NSMCE2: variants seen among roughly 807,000 people sequenced by gnomAD.
NSMCE2 encodes E3 SUMO-protein ligase NSE2.
In NSMCE2, 24 loss-of-function variants were observed where a neutral mutation model predicts 23.8. That is an observed-to-expected ratio of 1.01 (90% CI 0.73 to 1.42). The LOEUF (loss-of-function observed/expected upper bound fraction) is 1.42. NSMCE2 is among the 40% of genes most tolerant of loss of function. The pLI is 0.00. For synonymous variants in NSMCE2, 92 were observed against 94.1 expected (o/e 0.98, Z 0.13); for missense variants, 284 against 296.5 (o/e 0.96, Z 0.31).
At chr8:125,171,649 A>G (rs1822213287) in intron 4 of NSMCE2, among the ~76,000 whole-genome samples, 1 of 152,184 alleles carries the variant, frequency 6.6e-6, no homozygotes, top group South Asian at 2.1e-4. Context: ...CAGCATTTAA[A>G]TTGCTTCTGA....
chr8:125,234,403 G>C lies in NSMCE2; in HGVS notation c.418+52147G>C, dbSNP rs545653425. 2.6e-5 allele frequency among the ~76,000 whole-genome samples: 4 copies of C among 152,236 alleles called. No homozygotes were observed. The South Asian group carries it at 6.2e-4, about 24-fold the overall frequency. On this transcript the variant is annotated intron_variant, in intron 5 of 7. Coordinates refer to ENST00000287437, the MANE Select transcript of NSMCE2 (RefSeq NM_173685.4). ...TTTTCAGATTGTGAAAACTAGGCAG[G>C]CTTTTTCAAATATATTACCCTGCAA...
intron 3 of NSMCE2, among the ~76,000 whole-genome samples, chr8:125,143,425 C>T (rs544875275): frequency 1.8e-4 from 27 of 152,210 alleles, no homozygotes; most frequent in African/African-American, 5.8e-4. Flanking sequence ...AATCCCTTGC[C>T]GCCTTTTCTT....
At chr8:125,356,505 T>G (rs1033232194) in intron 5 of NSMCE2, among the ~76,000 whole-genome samples, 1 of 152,054 alleles carries the variant, frequency 6.6e-6, no homozygotes, top group Non-Finnish European at 1.5e-5. Context: ...ATTTTTGTAG[T>G]TTTGGTAGAG....
chr8:125,364,440 C>A (rs1251277863), intron 7 of NSMCE2, among the ~76,000 whole-genome samples: 6 of 152,284 alleles, frequency 3.9e-5, no homozygotes, highest in African/African-American at 1.4e-4. Context: ...TGGTTTGCAT[C>A]TTTACTGTGG....
At chr8:125,218,930 C>T (rs950246710) in intron 5 of NSMCE2, among the ~76,000 whole-genome samples, 2 of 152,110 alleles carry the variant, frequency 1.3e-5, no homozygotes, top group African/African-American at 4.8e-5. Context: ...AATATTTTAA[C>T]ATCTACTATA....
At chr8:125,350,881 G>A (rs1813003466) in intron 5 of NSMCE2, among the ~76,000 whole-genome samples, 1 of 152,180 alleles carries the variant, frequency 6.6e-6, no homozygotes, top group Non-Finnish European at 1.5e-5. Context: ...CACTGCAAGA[G>A]GCAGACATGG....
chr8:125,114,293 A>G (rs1172057578), intron 3 of NSMCE2, among the ~76,000 whole-genome samples: 2 of 152,194 alleles, frequency 1.3e-5, no homozygotes, highest in African/African-American at 4.8e-5. Context: ...ATGCTCTGTG[A>G]CAGCAGGGGT....
rs1047941117 is a variant in NSMCE2, at chr8:125,321,437, C to T, written c.419-35782C>T. ...ACTATAGAGCCCAGGCAACTGGCTT[C>T]GTGGTGAATTCTACCAAGTATTTAA... On this transcript the variant is annotated intron_variant, in intron 5 of 7. Coordinates refer to ENST00000287437, the MANE Select transcript of NSMCE2 (RefSeq NM_173685.4). 5.3e-5 allele frequency among the ~76,000 whole-genome samples: 8 copies of T among 152,258 alleles called. No individual in the cohort carries two copies. The South Asian group carries it at 6.2e-4, about 12-fold the overall frequency.
chr8:125,254,063 A>G (rs1267325473), intron 5 of NSMCE2, among the ~76,000 whole-genome samples: 1 of 152,172 alleles, frequency 6.6e-6, no homozygotes, highest in African/African-American at 2.4e-5. Flanking sequence ...TAATTCAGCA[A>G]ACTACCTTTT....
intron 1 of NSMCE2, among the ~76,000 whole-genome samples, chr8:125,095,625 T>C (rs1284656599): frequency 6.6e-6 from 1 of 151,368 alleles, no homozygotes. Flanking sequence ...CCAGGGGCAG[T>C]GGCTCACGCC....
At chr8:125,321,350 G>A (rs1416842893) in intron 5 of NSMCE2, among the ~76,000 whole-genome samples, 1 of 152,122 alleles carries the variant, frequency 6.6e-6, no homozygotes, top group Admixed American at 6.6e-5. Context: ...AAAGTAAAAT[G>A]TGTAACAACA....
chr8:125,225,291 C>T (rs758084060), intron 5 of NSMCE2, among the ~76,000 whole-genome samples: 17 of 152,316 alleles, frequency 1.1e-4, no homozygotes, highest in Non-Finnish European at 2.1e-4. Context: ...TTCCTTCAGT[C>T]GACAGCAGTG....
intron 5 of NSMCE2, among the ~76,000 whole-genome samples, chr8:125,324,879 T>G (rs552635967): frequency 6.6e-6 from 1 of 151,640 alleles, no homozygotes; most frequent in South Asian, 2.1e-4. Flanking sequence ...CGGCCCATTT[T>G]GATAAAATTC....
At chr8:125,205,535 T>C (rs1418005234) in intron 5 of NSMCE2, among the ~76,000 whole-genome samples, 1 of 152,218 alleles carries the variant, frequency 6.6e-6, no homozygotes, top group Non-Finnish European at 1.5e-5. Flanking sequence ...CACATTAACC[T>C]TCTCTCTTGA....
chr8:125,165,933 G>A (rs1821852705), intron 4 of NSMCE2, among the ~76,000 whole-genome samples: 1 of 152,130 alleles, frequency 6.6e-6, no homozygotes, highest in Admixed American at 6.5e-5. Flanking sequence ...AATTTGATAG[G>A]CTGCTAGATG....
Position 125,257,677 on chromosome 8 carries a change from G to A in NSMCE2, c.418+75421G>A, listed in dbSNP as rs568096241. Among the ~76,000 whole-genome samples the A allele has an allele frequency of 4.6e-5, 7 of 152,106 alleles. No homozygotes were observed. In the South Asian group the frequency reaches 8.3e-4, roughly 18 times the overall value. On this transcript the variant is annotated intron_variant, in intron 5 of 7. Coordinates refer to ENST00000287437, the MANE Select transcript of NSMCE2 (RefSeq NM_173685.4). ...GCCTCCCGAGTAGCTGGGACTACAG[G>A]CGCTCACCACCATGCCTGTCGAATT...
chr8:125,179,746 A>G (rs1047607197), intron 4 of NSMCE2, among the ~76,000 whole-genome samples: 1 of 152,152 alleles, frequency 6.6e-6, no homozygotes, highest in African/African-American at 2.4e-5. Flanking sequence ...TCAGGTTGTC[A>G]TGTTGTCAGA....
intron 3 of NSMCE2, among the ~76,000 whole-genome samples, chr8:125,116,634 A>G (rs1819017883): frequency 6.6e-6 from 1 of 152,116 alleles, no homozygotes; most frequent in African/African-American, 2.4e-5. Context: ...CAAAATAAAA[A>G]CTAATCAATA....
chr8:125,210,537 A>G (rs545319719), intron 5 of NSMCE2, among the ~76,000 whole-genome samples: 1 of 152,288 alleles, frequency 6.6e-6, no homozygotes, highest in South Asian at 2.1e-4. Flanking sequence ...GAAGAACTGT[A>G]GAAAGGGAAG....
Sources: gnomAD v4.1 joint callset for allele counts (sites outside exome capture counted in the v4.1 genomes callset) on GRCh38, gnomAD v4.1.1 for gene constraint, MANE v1.5 for transcripts, NCBI Gene and HGNC (gene_info 2026-07-23, HGNC 2026-07-21) for gene names.